The following WDHD1 variants were observed in gnomAD, a reference collection of about 807,000 sequenced individuals.
The protein encoded by WDHD1 is WD repeat and HMG-box DNA-binding protein 1.
Under a neutral mutation model 135.4 loss-of-function variants are expected in WDHD1, and 111 were observed. The observed-to-expected ratio is 0.82, with a 90% CI of 0.70 to 0.96. The LOEUF (loss-of-function observed/expected upper bound fraction) is 0.96, where lower values mean the gene tolerates loss of function less well. Ranked by LOEUF, WDHD1 falls within the 40% of genes least tolerant of loss-of-function variation. WDHD1 has a pLI of 0.00. For synonymous variants in WDHD1, 434 were observed against 439.0 expected, an observed-to-expected ratio of 0.99 and a Z score of 0.14; for missense variants, 1,351 against 1,336.3, an observed-to-expected ratio of 1.01 and a Z score of -0.17.
intron 23 of WDHD1, among the ~76,000 whole-genome samples, 192 bp from the exon 24 acceptor site, chr14:54,955,886 C>A (rs368910961): frequency 9.9e-6 from 1 of 101,392 alleles, no homozygotes. Context: ...CTTCAGATTC[C>A]ATGTTTTCCT....
rs748215995 is a variant in WDHD1, at chr14:54,987,197, C to G, written c.1717G>C (p.Val573Leu). ...QKEVFSLAGPVVSMAGHGEQL... is the reference protein window; with the variant it reads ...QKEVFSLAGPLVSMAGHGEQL... Reference sequence around the variant, plus strand: ...TCTCCATGTCCTGCCATTGACACCACAGGTCCAGCAAGGCTGAATACCTCT... The same window carrying G: ...TCTCCATGTCCTGCCATTGACACCAGAGGTCCAGCAAGGCTGAATACCTCT... The change falls in exon 14 of 26, where the codon GTG becomes CTG. Residue 573 changes from valine (V) to leucine (L), a missense_variant. Val to Leu is a conservative substitution (Grantham distance 32, BLOSUM62 1). This residue lies in a region of WDHD1 where 1,330 missense variants were observed against 1,296.1 expected (regional missense o/e 1.03). Coordinates refer to ENST00000360586, the MANE Select transcript of WDHD1 (RefSeq NM_007086.4). The G allele has an allele frequency of 6.2e-7, 1 of 1,614,178 alleles. No individual in the cohort carries two copies. Among genetic ancestry groups the G allele is most frequent in the South Asian group, 1.1e-5 (1 of 91,084 alleles).
At chr14:55,001,050 A>G in intron 8 of WDHD1, 58 bp from the exon 9 acceptor site, 1 of 1,117,636 alleles carries the variant, frequency 8.9e-7, no homozygotes, top group Non-Finnish European at 1.2e-6. Context: ...CTAAATACTC[A>G]TTTTATTACC....
intron 2 of WDHD1, among the ~76,000 whole-genome samples, chr14:55,016,243 C>T (rs1420292775): frequency 6.6e-6 from 1 of 152,006 alleles, no homozygotes; most frequent in African/African-American, 2.4e-5. Context: ...GATTGCTATG[C>T]TTTTGAAATT....
At chr14:55,017,998 C>G (rs1204299410) in intron 2 of WDHD1, among the ~76,000 whole-genome samples, 1 of 152,118 alleles carries the variant, frequency 6.6e-6, no homozygotes, top group African/African-American at 2.4e-5. Context: ...GCAATCCTCC[C>G]ACCTCAGCAG....
intron 7 of WDHD1, among the ~76,000 whole-genome samples, chr14:55,003,615 GAGA>G (rs2042014761): frequency 1.4e-5 from 2 of 140,304 alleles, no homozygotes; most frequent in South Asian, 4.4e-4. Flanking sequence ...CCAGGCTGGA[GAGA>G]AGTAGTGCCA....
At position 55,008,696 on chromosome 14, in the gene WDHD1, T is replaced by A; in HGVS notation, c.365A>T (p.Asp122Val). 4 of 1,611,882 alleles carry A rather than the reference T, an allele frequency of 2.5e-6. No homozygotes were observed. The highest frequency in any genetic ancestry group is 3.4e-6 in the Non-Finnish European group (4 of 1,179,460). Reference sequence around the variant, plus strand: ...TTTCTGTTGGCTGCTATCCATCACATCCACAATTTTGACTAGAAAATCACT... The same window carrying A: ...TTTCTGTTGGCTGCTATCCATCACAACCACAATTTTGACTAGAAAATCACT... ...GSSDFLVKIVDVMDSSQQKTF... is the reference protein window; with the variant it reads ...GSSDFLVKIVVVMDSSQQKTF... The change falls in exon 5 of 26, where the codon GAT becomes GTT. Residue 122 changes from aspartate to valine, a missense_variant. Coordinates refer to ENST00000360586, the MANE Select transcript of WDHD1 (RefSeq NM_007086.4).
rs543399651 is a variant in WDHD1 at position 54,944,314 on chromosome 14, C to T, written c.3189+18G>A. The T allele has an allele frequency of 2.3e-5, 37 of 1,597,198 alleles. No homozygotes were observed. Among genetic ancestry groups the T allele is most frequent in the African/African-American group, 9.5e-5 (7 of 73,904 alleles). On this transcript the variant is annotated intron_variant, in intron 25 of 25. Coordinates refer to ENST00000360586, the MANE Select transcript of WDHD1 (RefSeq NM_007086.4). The stretch of plus-strand genomic sequence containing the variant: ...TGGGAATTCACTAAGATCTCAATCT[C>T]GGCACAATTATCCTTACCTTTCTTT...
intron 24 of WDHD1, among the ~76,000 whole-genome samples, chr14:54,945,971 C>A (rs879369269): frequency 1.3e-5 from 2 of 152,150 alleles, no homozygotes; most frequent in Admixed American, 1.3e-4. Context: ...ATGACCATAA[C>A]CATTTGCCCA....
chr14:54,993,738 CTT>C (rs2041830730), intron 11 of WDHD1, among the ~76,000 whole-genome samples: 2 of 134,874 alleles, frequency 1.5e-5, no homozygotes, highest in Non-Finnish European at 3.1e-5. Flanking sequence ...CAATGCCACT[CTT>C]CTCACTAATT....
rs544681700 is a variant in WDHD1, at chr14:54,982,173, A to AT, written c.1907-478dup. 3.0e-3 allele frequency among the ~76,000 whole-genome samples: 452 copies of AT among 150,468 alleles called. 1 individual carries two copies. Among genetic ancestry groups the AT allele is most frequent in the African/African-American group, 9.6e-3 (392 of 41,020 alleles). On this transcript the variant is annotated intron_variant, in intron 15 of 25. Transcript: ENST00000360586. Reference sequence around the variant, plus strand: ...AGGCACCCGCCACCACGCCCAGCTAATTTTTTTTTGTATTTTTAGTAGAGA... The same window carrying AT: ...AGGCACCCGCCACCACGCCCAGCTAATTTTTTTTTTGTATTTTTAGTAGAGA...
intron 7 of WDHD1, among the ~76,000 whole-genome samples, chr14:55,004,217 C>T (rs2042026012): frequency 6.6e-6 from 1 of 152,120 alleles, no homozygotes; most frequent in Admixed American, 6.5e-5. Context: ...TATTCATATC[C>T]TTGTGCTAAT....
Position 55,010,389 on chromosome 14 carries a change from A to T in WDHD1, c.261T>A (p.Asp87Glu). 1 of 1,613,636 alleles carries T rather than the reference A, an allele frequency of 6.2e-7. No homozygotes were observed. The change falls in exon 4 of 26, where the codon GAT becomes GAA. Residue 87 changes from aspartate (D) to glutamate (E), a missense_variant. This residue lies in a region of WDHD1 where 1,330 missense variants were observed against 1,296.1 expected (regional missense o/e 1.03). Transcript: ENST00000360586. ...TTGTAGTGAAGCGAGTCAATATACC[A>T]TCTGGAACTCCTTCAGGAAATGTGT... is the stretch of plus-strand genomic sequence containing the variant. The part of the protein sequence containing the change: ...QVHTFPEGVP[D>E]GILTRFTTNA...
Position 54,984,754 on chromosome 14 carries a change from G to C in WDHD1, c.1875C>G (p.Ser625=). The change falls in exon 15 of 26, where the codon TCC becomes TCG. Residue 625 remains serine (S), a synonymous_variant. Coordinates refer to ENST00000360586, the MANE Select transcript of WDHD1 (RefSeq NM_007086.4). ...CTGAAAACCCAATCCATGCAAGGTA[G>C]GATTTCCTTGTAAGAGGAAGAGGGT... ...HGDPLPLTRK[S]YLAWIGFSAE... 1.9e-6 allele frequency: 3 copies of C among 1,613,262 alleles called. No individual in the cohort carries two copies. The highest frequency in any genetic ancestry group is 2.5e-6 in the Non-Finnish European group (3 of 1,179,766).
chr14:54,991,390 C>A lies in WDHD1; in HGVS notation c.1164G>T (p.Met388Ile). 6.2e-7 allele frequency: 1 copy of A among 1,613,596 alleles called. No individual in the cohort carries two copies. Among genetic ancestry groups the A allele is most frequent in the South Asian group, 1.1e-5 (1 of 91,004 alleles). ...EDDENSVDIS[M>I]LKTGSSLLKE... ...TGAGAAGACTAGAACCAGTTTTTAG[C>A]ATTGAAATATCTACAACACAAAGGA... The change falls in exon 12 of 26, where the codon ATG becomes ATT. Residue 388 changes from methionine (M) to isoleucine (I), a missense_variant. Met to Ile is a conservative substitution (Grantham distance 10). Coordinates refer to ENST00000360586, the MANE Select transcript of WDHD1 (RefSeq NM_007086.4).
At chr14:54,949,965 G>A (rs1304078931) in intron 24 of WDHD1, among the ~76,000 whole-genome samples, 7 of 152,024 alleles carry the variant, frequency 4.6e-5, no homozygotes, top group African/African-American at 7.3e-5. Context: ...TCACCACCAC[G>A]CCTGCCCTAC....
At position 54,967,366 on chromosome 14, in the gene WDHD1, GA is replaced by G. The variant is rs1390213036; in HGVS notation, c.2091del (p.Pro699GlnfsTer44). On this transcript the variant is annotated frameshift_variant, in exon 17 of 26. Transcript: ENST00000360586. LOFTEE classifies it high-confidence loss of function. ...ACAGCAGGGCGTGGAAGGGTTGGGG[GA>G]AACCGAGAACCTTTACAAGGAATGC... is the stretch of plus-strand genomic sequence containing the variant. ...LRCIPCKGSR[F>X]PPTLPRPAVA... The G allele has an allele frequency of 3.7e-6, 6 of 1,611,682 alleles. No homozygotes were observed. The South Asian group carries it at 5.5e-5, about 15-fold the overall frequency.
chr14:55,005,359 G>A, intron 7 of WDHD1: 1 of 562,740 alleles, frequency 1.8e-6, no homozygotes, highest in Non-Finnish European at 3.5e-6. Context: ...CCTGGATCTG[G>A]TTAATGAAAG....
At chr14:54,995,491 TA>T in intron 11 of WDHD1, 111 bp downstream of exon 11, 1 of 816,022 alleles carries the variant, frequency 1.2e-6, no homozygotes, top group Non-Finnish European at 1.8e-6. Context: ...AAATTTCCTC[TA>T]AGCACCACTT....
intron 10 of WDHD1, among the ~76,000 whole-genome samples, chr14:54,997,169 C>G (rs558647643): frequency 6.8e-6 from 1 of 146,650 alleles, no homozygotes; most frequent in African/African-American, 2.5e-5. Flanking sequence ...GATCTTGGCT[C>G]ACTGCAAACT....
Sources: gnomAD v4.1 joint callset for allele counts (sites outside exome capture counted in the v4.1 genomes callset) on GRCh38, gnomAD v4.1.1 for gene constraint, gnomAD v4.1.1 regional missense constraint, MANE v1.5 for transcripts, NCBI Gene and HGNC (gene_info 2026-07-23, HGNC 2026-07-21) for gene names.